Variants in ASH1L observed in about 807,000 individuals in gnomAD.
The protein encoded by ASH1L is histone-lysine N-methyltransferase ASH1L.
ASH1L carries 23 observed loss-of-function variants against 269.0 expected under a neutral mutation model. The ratio of observed to expected loss-of-function variants is 0.09; its 90% CI spans 0.06 to 0.12. The LOEUF is 0.12. Among genes scored for constraint, ASH1L ranks in the 10% least tolerant of loss-of-function variants. The probability of loss-of-function intolerance (pLI) is 1.00; values close to 1 mark genes in which losing one functional copy is unlikely to be tolerated. For synonymous variants in ASH1L, 1,187 were observed against 1,253.5 expected (o/e 0.95, Z 1.12); for missense variants, 2,912 against 3,567.8 (o/e 0.82, Z 4.68).
At chr1:155,359,937 G>A (rs1327023600) in intron 13 of ASH1L, among the ~76,000 whole-genome samples, 1 of 151,510 alleles carries the variant, frequency 6.6e-6, no homozygotes, top group East Asian at 1.9e-4. Flanking sequence ...GCCCAGGCTG[G>A]AGCACAGTGG....
intron 2 of ASH1L, among the ~76,000 whole-genome samples, chr1:155,485,702 T>C (rs760096793): frequency 2.6e-5 from 4 of 152,094 alleles, no homozygotes; most frequent in Non-Finnish European, 5.9e-5. Flanking sequence ...ATATATGAAG[T>C]CTATCTACCT....
chr1:155,335,832 T>C lies in ASH1L; in HGVS notation c.*1828A>G, dbSNP rs1010507691. On this transcript the variant is annotated 3_prime_UTR_variant, in exon 28 of 28. Coordinates refer to ENST00000392403, the MANE Select transcript of ASH1L (RefSeq NM_018489.3). Reference sequence around the variant, plus strand: ...AAAGGAAACATTGAATTTTAATCTCTTTCTTGTCATTTTCTCGCTTTTGAC... The same window carrying C: ...AAAGGAAACATTGAATTTTAATCTCCTTCTTGTCATTTTCTCGCTTTTGAC... The C allele has an allele frequency of 6.6e-6, 1 of 152,656 alleles. No homozygotes were observed. The highest frequency in any genetic ancestry group is 1.5e-5 in the Non-Finnish European group (1 of 68,020). The allele number at this position is 152,656 out of a possible 1,614,324, so 9.5% of individuals were successfully genotyped here. A position where few individuals can be genotyped will look rare whatever the true frequency, so the allele number is the denominator to read the frequency against.
chr1:155,507,388 T>C (rs1667884611), intron 2 of ASH1L, among the ~76,000 whole-genome samples: 1 of 152,204 alleles, frequency 6.6e-6, no homozygotes, highest in African/African-American at 2.4e-5. Flanking sequence ...CAGAAAACCA[T>C]TTTTGGACTG....
chr1:155,557,682 A>T (rs541707569), intron 1 of ASH1L, among the ~76,000 whole-genome samples: 2 of 152,344 alleles, frequency 1.3e-5, no homozygotes, highest in South Asian at 4.1e-4. Flanking sequence ...AACGTGAAAT[A>T]TAAGACTATT....
intron 5 of ASH1L, among the ~76,000 whole-genome samples, chr1:155,420,313 C>T: frequency 7.9e-6 from 1 of 126,638 alleles, no homozygotes; most frequent in East Asian, 2.6e-4. Context: ...AATGAGACTC[C>T]ATCTCAAAAA....
intron 3 of ASH1L, among the ~76,000 whole-genome samples, chr1:155,470,336 G>A (rs1665003513): frequency 6.6e-6 from 1 of 151,964 alleles, no homozygotes; most frequent in African/African-American, 2.4e-5. Flanking sequence ...GCACACACCT[G>A]TAATCCCAGC....
intron 24 of ASH1L, among the ~76,000 whole-genome samples, chr1:155,342,462 C>A (rs933144854): frequency 1.3e-5 from 2 of 152,174 alleles, no homozygotes; most frequent in African/African-American, 4.8e-5. Context: ...TGTACATGAA[C>A]ACTTTTTAAC....
intron 6 of ASH1L, among the ~76,000 whole-genome samples, chr1:155,398,042 A>G (rs1038291253): frequency 6.6e-6 from 1 of 152,234 alleles, no homozygotes. Context: ...ACAGGGAAAG[A>G]AAAACTGTCT....
intron 2 of ASH1L, among the ~76,000 whole-genome samples, chr1:155,501,716 G>A (rs1446019319): frequency 6.6e-6 from 1 of 152,130 alleles, no homozygotes; most frequent in Admixed American, 6.6e-5. Context: ...AGGCTGAAGC[G>A]CAGTGGCGCA....
intron 4 of ASH1L, among the ~76,000 whole-genome samples, chr1:155,449,190 T>C (rs529666113): frequency 6.6e-6 from 1 of 152,308 alleles, no homozygotes; most frequent in East Asian, 1.9e-4. Context: ...CGCCTTGGCC[T>C]CCCAAAGTGC....
chr1:155,380,222 A>G, intron 7 of ASH1L, 106 bp from the exon 8 acceptor site: 1 of 774,222 alleles, frequency 1.3e-6, no homozygotes. Flanking sequence ...AAAAATAAAG[A>G]TTTAATTCTT....
intron 4 of ASH1L, among the ~76,000 whole-genome samples, chr1:155,449,683 C>T (rs144054542): frequency 0.01 from 1,570 of 152,094 alleles, 30 homozygotes; most frequent in African/African-American, 0.036. Context: ...CCATGCCTGG[C>T]TACTTTTTTG....
At chr1:155,465,565 A>G (rs766256651) in intron 3 of ASH1L, among the ~76,000 whole-genome samples, 1 of 152,202 alleles carries the variant, frequency 6.6e-6, no homozygotes, top group Non-Finnish European at 1.5e-5. Flanking sequence ...TGCAGTAGTC[A>G]GTTCTAAGAT....
chr1:155,525,503 A>C (rs1161737884), intron 1 of ASH1L, among the ~76,000 whole-genome samples: 1 of 150,822 alleles, frequency 6.6e-6, no homozygotes, highest in Non-Finnish European at 1.5e-5. Context: ...CCCAAACACC[A>C]CTGTGCCAGT....
chr1:155,443,489 A>G (rs972163423), intron 4 of ASH1L, among the ~76,000 whole-genome samples: 1 of 152,170 alleles, frequency 6.6e-6, no homozygotes, highest in Non-Finnish European at 1.5e-5. Context: ...TTATATATAC[A>G]TTTTTGAGTT....
intron 5 of ASH1L, among the ~76,000 whole-genome samples, chr1:155,424,712 C>T (rs1660992392): frequency 1.3e-5 from 2 of 152,132 alleles, no homozygotes; most frequent in South Asian, 2.1e-4. Context: ...CGGCCTATTA[C>T]AGTTAATTTT....
chr1:155,521,997 AT>A (rs906826337), intron 1 of ASH1L, among the ~76,000 whole-genome samples: 1 of 152,070 alleles, frequency 6.6e-6, no homozygotes, highest in African/African-American at 2.4e-5. Context: ...GTACACTTTT[AT>A]TTCCTACAGT....
At chr1:155,546,406 A>C (rs1262193297) in intron 1 of ASH1L, among the ~76,000 whole-genome samples, 1 of 152,094 alleles carries the variant, frequency 6.6e-6, no homozygotes, top group Non-Finnish European at 1.5e-5. Context: ...CAGTGAGTAA[A>C]GATTTGCTTA....
intron 5 of ASH1L, among the ~76,000 whole-genome samples, chr1:155,429,844 G>A (rs945728536): frequency 1.3e-5 from 2 of 152,126 alleles, no homozygotes; most frequent in Admixed American, 1.3e-4. Context: ...TTGTCACCCA[G>A]GATGGAATGT....
Sources: allele counts gnomAD v4.1 joint callset (sites outside exome capture counted in the v4.1 genomes callset), GRCh38; gene constraint gnomAD v4.1.1; transcripts MANE v1.5; gene names NCBI Gene and HGNC (gene_info 2026-07-23, HGNC 2026-07-21).